Variants in PIEZO1 observed in about 807,000 individuals in gnomAD.
PIEZO1 encodes the protein piezo type mechanosensitive ion channel component 1 (Er blood group).
A neutral mutation model predicts 297.2 loss-of-function variants in PIEZO1; 296 were observed. That is an observed-to-expected ratio of 1.00 (90% CI 0.91 to 1.10). PIEZO1 has a LOEUF of 1.10. Ranked by LOEUF, PIEZO1 falls within the 50% of genes least tolerant of loss-of-function variation. The probability of loss-of-function intolerance (pLI) is 0.00; values close to 1 mark genes in which losing one functional copy is unlikely to be tolerated. For synonymous variants in PIEZO1, 2,427 were observed against 1,507.5 expected (o/e 1.61, Z -14.13); for missense variants, 5,018 against 3,455.5 (o/e 1.45, Z -11.34).
intron 1 of PIEZO1, among the ~76,000 whole-genome samples, chr16:88,751,115 C>G (rs1906367688): frequency 6.6e-6 from 1 of 152,192 alleles, no homozygotes; most frequent in African/African-American, 2.4e-5. Context: ...GAGGGAGGCC[C>G]AGCCCAGCCC....
At chr16:88,732,294 G>T (rs1483323645) in intron 21 of PIEZO1, 41 bp downstream of exon 21, 8 of 1,511,468 alleles carry the variant, frequency 5.3e-6, no homozygotes, top group Admixed American at 3.9e-5. Context: ...CCTCCCGAAG[G>T]CCAAGCCCTG....
Position 88,715,722 on chromosome 16 carries a change from G to A in PIEZO1, c.7449C>T (p.Asp2483=), listed in dbSNP as rs774391363. 1.9e-6 allele frequency: 3 copies of A among 1,550,412 alleles called. No homozygotes were observed. The highest frequency in any genetic ancestry group is 1.2e-5 in the South Asian group (1 of 84,066). The change falls in exon 51 of 51, where the codon GAC becomes GAT. Residue 2483 remains aspartate (D), a synonymous_variant. Transcript: ENST00000301015. ...CVDRILKLCQ[D]IFLVRETREL... ...CCCGAGTCTCCCGCACCAGGAAGATGTCCTGGCAGAGCTTGAGGATGCGGT... is the reference window on the plus strand; with the variant it reads ...CCCGAGTCTCCCGCACCAGGAAGATATCCTGGCAGAGCTTGAGGATGCGGT...
In PIEZO1 at chr16:88,735,022, G is replaced by T. The variant is rs865805945; in HGVS notation, c.1701C>A (p.Ser567Arg). Residue 567 changes from serine (S) to arginine (R), a missense_variant, in exon 14 of 51, where the codon AGC becomes AGA. Transcript: ENST00000301015. The part of the protein sequence containing the change: ...EPTRTQTLLQ[S>R]LGELVKGVYA... Reference sequence around the variant, plus strand: ...ACACGCCCTTCACCAGCTCCCCCAGGCTCTGCAACAGCGTCTGCGTCCGCG... The same window carrying T: ...ACACGCCCTTCACCAGCTCCCCCAGTCTCTGCAACAGCGTCTGCGTCCGCG... 5.8e-6 allele frequency: 9 copies of T among 1,550,476 alleles called. No homozygotes were observed. Among genetic ancestry groups the T allele is most frequent in the Non-Finnish European group, 7.8e-6 (9 of 1,146,982 alleles).
At chr16:88,739,373 C>A in intron 5 of PIEZO1, 1 of 152,454 alleles carries the variant, frequency 6.6e-6, no homozygotes, top group Non-Finnish European at 1.5e-5. Flanking sequence ...AGCCATTTCC[C>A]AAACACCAGG....
intron 1 of PIEZO1, among the ~76,000 whole-genome samples, chr16:88,781,694 C>T (rs914029450): frequency 6.6e-6 from 1 of 152,248 alleles, no homozygotes; most frequent in African/African-American, 2.4e-5. Context: ...CGGGCACAGG[C>T]CTCCGAAGGG....
intron 22 of PIEZO1, among the ~76,000 whole-genome samples, chr16:88,730,597 CAAAAAAAAAA>C (rs59142015): frequency 1.2e-5 from 1 of 84,296 alleles, no homozygotes. Flanking sequence ...GACTCCATCT[CAAAAAAAAAA>C]AAAAAAAAAA....
Position 88,727,625 on chromosome 16 carries a change from T to A in PIEZO1, c.3233A>T (p.Asn1078Ile), listed in dbSNP as rs1302899795. 2 of 1,518,210 alleles carry A rather than the reference T, an allele frequency of 1.3e-6. No homozygotes were observed. The highest frequency in any genetic ancestry group is 1.2e-5 in the South Asian group (1 of 80,958). The allele number at this position is 1,518,210 out of a possible 1,614,324, so 94.0% of individuals were successfully genotyped here. A position where few individuals can be genotyped will look rare whatever the true frequency, so the allele number is the denominator to read the frequency against. Residue 1078 changes from asparagine (N) to isoleucine (I), a missense_variant, in exon 23 of 51, where the codon AAC becomes ATC. Coordinates refer to ENST00000301015, the MANE Select transcript of PIEZO1 (RefSeq NM_001142864.4). ...PWRWSRAVPM[N>I]SALIKWLYLP... ...GTACAGCCACTTGATGAGTGCGGAGTTCATGGGGACGGCCCGGCTCCAGCG... is the reference window on the plus strand; with the variant it reads ...GTACAGCCACTTGATGAGTGCGGAGATCATGGGGACGGCCCGGCTCCAGCG...
intron 5 of PIEZO1, chr16:88,741,246 G>C (rs558095898): frequency 6.3e-6 from 3 of 479,636 alleles, no homozygotes; most frequent in Non-Finnish European, 1.1e-5. Context: ...ATGCCATGTC[G>C]GGGCGTGGAG....
intron 36 of PIEZO1, 65 bp downstream of exon 36, chr16:88,722,153 T>G (rs116828364): frequency 6.6e-7 from 1 of 1,522,940 alleles, no homozygotes; most frequent in Non-Finnish European, 8.8e-7. Context: ...GTCAGTCTCC[T>G]GCCCCTGTTC....
rs543604569 is a variant in PIEZO1, at chr16:88,738,000, G to C, written c.954C>G (p.Val318=). The C allele has an allele frequency of 2.6e-6, 4 of 1,535,288 alleles. No individual in the cohort carries two copies. Among genetic ancestry groups the C allele is most frequent in the Non-Finnish European group, 3.5e-6 (4 of 1,146,646 alleles). Residue 318 remains valine, a synonymous_variant, in exon 8 of 51, where the codon GTC becomes GTG. Transcript: ENST00000301015. ...CCGTGGCGTAGCACAGCAGCAGGAG[G>C]ACGCCGGGGCTGGCATACACAGGCC... ...LDWPVYASPG[V]LLLLCYATAS... is the part of the protein sequence containing the mutation.
chr16:88,730,055 G>A (rs995198789), intron 22 of PIEZO1, among the ~76,000 whole-genome samples: 2 of 152,262 alleles, frequency 1.3e-5, no homozygotes, highest in Non-Finnish European at 2.9e-5. Flanking sequence ...ATTTCAACAA[G>A]GAAGAGGTGG....
At chr16:88,780,302 T>C (rs1046429052) in intron 1 of PIEZO1, among the ~76,000 whole-genome samples, 3 of 151,862 alleles carry the variant, frequency 2.0e-5, no homozygotes, top group Non-Finnish European at 4.4e-5. Context: ...ATCCAAAAAA[T>C]AGGCTCAACA....
Position 88,716,197 on chromosome 16 carries a change from C to A in PIEZO1, c.7129+1G>T. The A allele has an allele frequency of 6.7e-7, 1 of 1,502,444 alleles. No homozygotes were observed. The highest frequency in any genetic ancestry group is 1.3e-5 in the South Asian group (1 of 76,482). The allele number at this position is 1,502,444 out of a possible 1,614,324, so 93.1% of individuals were successfully genotyped here. A position where few individuals can be genotyped will look rare whatever the true frequency, so the allele number is the denominator to read the frequency against. ...CCCCCAACCCCCACGCCCATACTCA[C>A]TGGGCTGCAGCTGCTTCACAGGGTT... On this transcript the variant is annotated splice_donor_variant, in intron 49 of 50. Transcript: ENST00000301015. LOFTEE classifies it high-confidence loss of function.
Position 88,735,413 on chromosome 16 carries a change from C to T in PIEZO1, c.1558-167G>A, listed in dbSNP as rs528083441. Among the ~76,000 whole-genome samples the T allele has an allele frequency of 3.9e-5, 6 of 152,322 alleles. No individual in the cohort carries two copies. The South Asian group carries it at 1.2e-3, about 32-fold the overall frequency. On this transcript the variant is annotated intron_variant, in intron 12 of 50. Transcript: ENST00000301015. ...GCACCGAACACCCTCTCGCTCACAC[C>T]CACTCAGAGGCACACGAGCACACAC...
In PIEZO1 at chr16:88,737,988, C is replaced by T. The variant is rs1009381882; in HGVS notation, c.966G>A (p.Leu322=). The T allele has an allele frequency of 4.6e-6, 7 of 1,535,022 alleles. No homozygotes were observed. The Admixed American group carries it at 1.2e-4, about 26-fold the overall frequency. ...VYASPGVLLL[L]CYATASLRKL... is the part of the protein sequence containing the mutation. ...TGCGCAGAGAGGCCGTGGCGTAGCA[C>T]AGCAGCAGGAGGACGCCGGGGCTGG... Residue 322 remains leucine (L), a synonymous_variant, in exon 8 of 51, where the codon CTG becomes CTA. Coordinates refer to ENST00000301015, the MANE Select transcript of PIEZO1 (RefSeq NM_001142864.4).
chr16:88,785,124 C>A lies in PIEZO1; in HGVS notation c.-160G>T. 8.2e-6 allele frequency: 3 copies of A among 364,762 alleles called. No homozygotes were observed. Among genetic ancestry groups the A allele is most frequent in the Non-Finnish European group, 1.3e-5 (3 of 224,318 alleles). 22.6% of individuals were successfully genotyped at this position (364,762 alleles called of 1,614,324 possible). ...CCTTCGGCCGCCCCGCCGGTGCCGA[C>A]GTCCCGGGCCCGCGCTCGCTCAGGC... is the stretch of plus-strand genomic sequence containing the variant. On this transcript the variant is annotated 5_prime_UTR_variant, in exon 1 of 51. Transcript: ENST00000301015.
Position 88,719,664 on chromosome 16 carries a change from C to T in PIEZO1, c.6381G>A (p.Thr2127=), listed in dbSNP as rs558902378. ...AGCTGGACAGGGACAGCGTGGTGTC[C>T]GTCCACACCCAGTCCATCACTGCCC... The part of the protein sequence containing the change: ...ELRAVMDWVW[T]DTTLSLSSWM... Residue 2127 remains threonine, a synonymous_variant, in exon 44 of 51, where the codon ACG becomes ACA. Transcript: ENST00000301015. 41 of 1,553,890 alleles carry T rather than the reference C, an allele frequency of 2.6e-5. No homozygotes were observed. Among genetic ancestry groups the T allele is most frequent in the Admixed American group, 5.8e-5 (3 of 51,492 alleles).
Position 88,749,409 on chromosome 16 carries a change from G to A in PIEZO1, c.135C>T (p.Pro45=), listed in dbSNP as rs878918201. The A allele has an allele frequency of 4.2e-5, 64 of 1,519,238 alleles. No homozygotes were observed. The highest frequency in any genetic ancestry group is 3.4e-4 in the Middle Eastern group (2 of 5,858). The allele number at this position is 1,519,238 out of a possible 1,614,324, so 94.1% of individuals were successfully genotyped here. Residue 45 remains proline, a synonymous_variant, in exon 2 of 51, where the codon CCC becomes CCT. Coordinates refer to ENST00000301015, the MANE Select transcript of PIEZO1 (RefSeq NM_001142864.4). ...LLFLLLLPWF[P]GPTRCGLQGH... The stretch of plus-strand genomic sequence containing the variant: ...CTTGGAGGCCGCATCGGGTGGGGCC[G>A]GGGAACCAGGGCAGCAGCAGCAGGA...
chr16:88,736,569 C>A (rs904694435), intron 11 of PIEZO1, 70 bp downstream of exon 11: 7 of 1,327,854 alleles, frequency 5.3e-6, no homozygotes, highest in Non-Finnish European at 7.0e-6. Context: ...CCCAGCGCAC[C>A]CCACCCAGGC....
Sources: gnomAD v4.1 joint callset for allele counts (sites outside exome capture counted in the v4.1 genomes callset) on GRCh38, gnomAD v4.1.1 for gene constraint, MANE v1.5 for transcripts, NCBI Gene and HGNC (gene_info 2026-07-23, HGNC 2026-07-21) for gene names.